MALRD1: variants seen among roughly 807,000 people sequenced by gnomAD.
The protein encoded by MALRD1 is MAM and LDL receptor class A domain containing 1.
In MALRD1, 247 loss-of-function variants were observed where a neutral mutation model predicts 242.1. That is an observed-to-expected ratio of 1.02 (90% CI 0.92 to 1.13). The LOEUF (loss-of-function observed/expected upper bound fraction) is 1.13, where lower values mean the gene tolerates loss of function less well. Among genes scored for constraint, MALRD1 ranks in the 50% most tolerant of loss-of-function variants. The pLI is 0.00. For synonymous variants in MALRD1, 995 were observed against 866.6 expected (o/e 1.15, Z -2.60); for missense variants, 2,989 against 2,533.1 (o/e 1.18, Z -3.86).
chr10:19,565,193 TTCATGA>T lies in MALRD1; in HGVS notation c.5479-2308_5479-2303del, dbSNP rs555553883. ...TTGACATGTATTGGAGAGTTTAATG[TTCATGA>T]CATTGGGGAGGGAAAGTCATGGTGT... On this transcript the variant is annotated intron_variant, in intron 32 of 39. Coordinates refer to ENST00000454679, the MANE Select transcript of MALRD1 (RefSeq NM_001142308.3). Among the ~76,000 whole-genome samples, 326 of 152,234 alleles carry T rather than the reference TTCATGA, an allele frequency of 2.1e-3. 4 individuals carry two copies. Among genetic ancestry groups the T allele is most frequent in the African/African-American group, 7.3e-3 (304 of 41,548 alleles).
At chr10:19,115,085 C>T (rs73591913) in intron 5 of MALRD1, among the ~76,000 whole-genome samples, 9,282 of 152,166 alleles carry the variant, frequency 0.061, 288 homozygotes, top group South Asian at 0.12. Context: ...TGATTTAGCC[C>T]ATAATAACCA....
intron 38 of MALRD1, among the ~76,000 whole-genome samples, chr10:19,712,840 A>C (rs1321720492): frequency 1.4e-4 from 22 of 152,334 alleles, no homozygotes; most frequent in African/African-American, 5.0e-4. Context: ...ATAGCCAGCA[A>C]AAGCATGTTG....
chr10:19,251,774 AT>A (rs1018330700), intron 18 of MALRD1, among the ~76,000 whole-genome samples: 1 of 151,916 alleles, frequency 6.6e-6, no homozygotes, highest in Non-Finnish European at 1.5e-5. Flanking sequence ...TCTCTTGTTG[AT>A]TTGTAATCCC....
intron 38 of MALRD1, among the ~76,000 whole-genome samples, chr10:19,702,348 C>G (rs1833665906): frequency 1.3e-5 from 2 of 152,160 alleles, no homozygotes; most frequent in African/African-American, 4.8e-5. Context: ...ATGCCCTCTG[C>G]CTGGCAGAGC....
intron 18 of MALRD1, among the ~76,000 whole-genome samples, chr10:19,209,965 C>T (rs1445659296): frequency 6.6e-6 from 1 of 152,074 alleles, no homozygotes; most frequent in Non-Finnish European, 1.5e-5. Context: ...AATGAACAAC[C>T]TGGAAGTGGA....
At chr10:19,604,109 A>G (rs980172459) in intron 34 of MALRD1, among the ~76,000 whole-genome samples, 48 of 152,332 alleles carry the variant, frequency 3.2e-4, no homozygotes, top group East Asian at 3.9e-4. Flanking sequence ...AGATAGGCTG[A>G]AAGCTGGGCC....
intron 18 of MALRD1, among the ~76,000 whole-genome samples, chr10:19,256,957 T>C (rs1244389916): frequency 6.6e-6 from 1 of 152,112 alleles, no homozygotes; most frequent in Non-Finnish European, 1.5e-5. Context: ...ATGCAAGACA[T>C]TTGCATAAGT....
At chr10:19,053,798 T>TA (rs35045590) in intron 1 of MALRD1, among the ~76,000 whole-genome samples, 10 of 151,296 alleles carry the variant, frequency 6.6e-5, no homozygotes, top group East Asian at 1.9e-4. Flanking sequence ...TTCAATATAA[T>TA]AAAAAAAAAC....
chr10:19,666,571 C>T (rs573451325), intron 36 of MALRD1, among the ~76,000 whole-genome samples: 1 of 152,152 alleles, frequency 6.6e-6, no homozygotes, highest in Non-Finnish European at 1.5e-5. Context: ...TTCCATGATC[C>T]ATTATTGCGA....
intron 33 of MALRD1, among the ~76,000 whole-genome samples, chr10:19,575,383 C>T (rs1836760561): frequency 6.6e-6 from 1 of 151,968 alleles, no homozygotes; most frequent in South Asian, 2.1e-4. Flanking sequence ...CAGCACAGTA[C>T]AAGCAGTCTG....
chr10:19,460,597 C>G (rs1835891656), intron 29 of MALRD1, among the ~76,000 whole-genome samples: 1 of 152,100 alleles, frequency 6.6e-6, no homozygotes, highest in Admixed American at 6.6e-5. Context: ...AATATAAACA[C>G]TAGCAATCAT....
chr10:19,587,321 T>C (rs1319644816), intron 33 of MALRD1, among the ~76,000 whole-genome samples: 3 of 152,240 alleles, frequency 2.0e-5, no homozygotes, highest in African/African-American at 7.2e-5. Context: ...TTGTAACAGG[T>C]GCATTATATT....
intron 31 of MALRD1, among the ~76,000 whole-genome samples, chr10:19,508,394 A>G (rs1335505958): frequency 6.6e-6 from 1 of 152,230 alleles, no homozygotes; most frequent in Non-Finnish European, 1.5e-5. Flanking sequence ...AAACACTGTG[A>G]TGTAAAACAT....
intron 33 of MALRD1, among the ~76,000 whole-genome samples, chr10:19,577,326 G>A (rs901191264): frequency 6.6e-6 from 1 of 152,246 alleles, no homozygotes; most frequent in South Asian, 2.1e-4. Context: ...CAAAAGATGG[G>A]TTAATTCCTT....
intron 39 of MALRD1, among the ~76,000 whole-genome samples, chr10:19,733,571 A>G (rs1355398952): frequency 6.6e-6 from 1 of 151,828 alleles, no homozygotes; most frequent in Non-Finnish European, 1.5e-5. Flanking sequence ...TTTAGAAGGT[A>G]TATGCATCCA....
chr10:19,412,709 T>G (rs1833326639), intron 28 of MALRD1, among the ~76,000 whole-genome samples: 3 of 152,164 alleles, frequency 2.0e-5, no homozygotes, highest in Non-Finnish European at 4.4e-5. Context: ...ATGTAAGAGA[T>G]AAGCCACCAG....
intron 36 of MALRD1, among the ~76,000 whole-genome samples, chr10:19,645,769 C>T (rs1223810572): frequency 6.6e-6 from 1 of 152,014 alleles, no homozygotes; most frequent in Non-Finnish European, 1.5e-5. Context: ...TGGAGATATA[C>T]CTAATGCTAA....
chr10:19,117,811 A>T (rs1421033123), intron 5 of MALRD1, among the ~76,000 whole-genome samples: 12 of 152,226 alleles, frequency 7.9e-5, no homozygotes, highest in Non-Finnish European at 1.0e-4. Flanking sequence ...AGTGAACATG[A>T]TGTATATTGA....
At chr10:19,258,945 A>G (rs1407666646) in intron 19 of MALRD1, among the ~76,000 whole-genome samples, 7 of 152,104 alleles carry the variant, frequency 4.6e-5, no homozygotes, top group Admixed American at 1.3e-4. Flanking sequence ...TCTGGTTTAT[A>G]TTAACAAATT....
Sources: allele counts gnomAD v4.1 joint callset (sites outside exome capture counted in the v4.1 genomes callset), GRCh38; gene constraint gnomAD v4.1.1; transcripts MANE v1.5; gene names NCBI Gene and HGNC (gene_info 2026-07-23, HGNC 2026-07-21).